Variants in AHNAK observed in about 807,000 individuals in gnomAD.
AHNAK encodes the protein neuroblast differentiation-associated protein AHNAK.
AHNAK carries 23 observed loss-of-function variants against 37.8 expected under a neutral mutation model. The observed-to-expected ratio is 0.61, with a 90% CI of 0.44 to 0.86. The LOEUF (loss-of-function observed/expected upper bound fraction) is 0.86. Among genes scored for constraint, AHNAK ranks in the 40% least tolerant of loss-of-function variants. The pLI is 0.00. For synonymous variants in AHNAK, 2,481 were observed against 2,636.3 expected (o/e 0.94, Z 1.80); for missense variants, 7,411 against 7,319.4 (o/e 1.01, Z -0.46).
At chr11:62,543,233 A>G (rs1462885800) in intron 1 of AHNAK, among the ~76,000 whole-genome samples, 1 of 152,224 alleles carries the variant, frequency 6.6e-6, no homozygotes, top group African/African-American at 2.4e-5. Context: ...GGACATGTCC[A>G]GGACCGAGAA....
chr11:62,440,081 C>G (rs1938270611), intron 5 of AHNAK, among the ~76,000 whole-genome samples: 1 of 152,184 alleles, frequency 6.6e-6, no homozygotes, highest in Non-Finnish European at 1.5e-5. Flanking sequence ...ACGGGGCCAT[C>G]CTGCGTGTGG....
In AHNAK at chr11:62,523,560, G is replaced by C. The variant is rs754454338; in HGVS notation, c.10857C>G (p.Gly3619=). The part of the protein sequence containing the change: ...KFSMPGFKGE[G]PEVDVTLPKA... The stretch of plus-strand genomic sequence containing the variant: ...TAGGGAGGGTAACATCGACTTCAGG[G>C]CCTTCTCCTTTGAAGCCAGGCATGC... The change falls in exon 5 of 5, where the codon GGC becomes GGG. Residue 3619 remains glycine, a synonymous_variant. Coordinates refer to ENST00000378024, the MANE Select transcript of AHNAK (RefSeq NM_001620.3). 3 of 1,613,964 alleles carry C rather than the reference G, an allele frequency of 1.9e-6. No homozygotes were observed. The highest frequency in any genetic ancestry group is 1.1e-5 in the South Asian group (1 of 91,062).
intron 4 of AHNAK, among the ~76,000 whole-genome samples, chr11:62,504,835 C>A (rs1330714902): frequency 6.6e-6 from 1 of 152,092 alleles, no homozygotes; most frequent in African/African-American, 2.4e-5. Context: ...GAAAGCAAGG[C>A]GGTACCACGC....
rs767361189 is a variant in AHNAK, at chr11:62,526,924, G to A, written c.7493C>T (p.Ala2498Val). Reference sequence around the variant, plus strand: ...CCAGTCTGGAGCTTGGACATCGGGGGCATTTACATCAACTTTGGGGCCCCT... The same window carrying A: ...CCAGTCTGGAGCTTGGACATCGGGGACATTTACATCAACTTTGGGGCCCCT... ...NIRGPKVDVN[A>V]PDVQAPDWHL... The change falls in exon 5 of 5, where the codon GCC becomes GTC. Residue 2498 changes from alanine to valine, a missense_variant. Transcript: ENST00000378024. 4.9e-5 allele frequency: 79 copies of A among 1,614,006 alleles called. No individual in the cohort carries two copies. The highest frequency in any genetic ancestry group is 6.7e-5 in the Non-Finnish European group (79 of 1,180,032).
intron 5 of AHNAK, among the ~76,000 whole-genome samples, chr11:62,470,783 A>G (rs982803723): frequency 6.6e-6 from 1 of 151,790 alleles, no homozygotes; most frequent in African/African-American, 2.4e-5. Flanking sequence ...ACCAACCTCC[A>G]TCTGTCACCT....
intron 4 of AHNAK, among the ~76,000 whole-genome samples, chr11:62,493,689 T>G (rs75822310): frequency 6.6e-6 from 1 of 151,698 alleles, no homozygotes; most frequent in Non-Finnish European, 1.5e-5. Flanking sequence ...CAGGCTGGTC[T>G]TGAACTCCTG....
intron 5 of AHNAK, among the ~76,000 whole-genome samples, chr11:62,436,605 T>A (rs1039789421): frequency 2.7e-5 from 4 of 150,836 alleles, no homozygotes. Context: ...TTACTTCTCT[T>A]GGACATGAAA....
At chr11:62,543,896 T>A (rs919961978) in intron 1 of AHNAK, among the ~76,000 whole-genome samples, 1 of 152,168 alleles carries the variant, frequency 6.6e-6, no homozygotes, top group African/African-American at 2.4e-5. Context: ...GAGAGAAACT[T>A]TGGGGCCTCG....
At chr11:62,454,412 CAAAA>C (rs5792260) in intron 5 of AHNAK, among the ~76,000 whole-genome samples, 14 of 126,144 alleles carry the variant, frequency 1.1e-4, no homozygotes, top group South Asian at 2.7e-4. Flanking sequence ...GACTCCATCT[CAAAA>C]AAAAAAAAAA....
In AHNAK at chr11:62,532,085, C is replaced by T. The variant is rs1196817956; in HGVS notation, c.2332G>A (p.Val778Met). 5 of 1,613,248 alleles carry T rather than the reference C, an allele frequency of 3.1e-6. No homozygotes were observed. Among genetic ancestry groups the T allele is most frequent in the Non-Finnish European group, 4.2e-6 (5 of 1,179,886 alleles). Reference protein sequence around the residue: ...EVDVNLPKADVDISGPKIDVT... With the variant: ...EVDVNLPKADMDISGPKIDVT... ...TCTATCTTGGGCCCGGAAATGTCCACATCAGCCTTGGGCAGGTTCACATCC... is the reference window on the plus strand; with the variant it reads ...TCTATCTTGGGCCCGGAAATGTCCATATCAGCCTTGGGCAGGTTCACATCC... Residue 778 changes from valine (V) to methionine (M), a missense_variant, in exon 5 of 5, where the codon GTG becomes ATG. Coordinates refer to ENST00000378024, the MANE Select transcript of AHNAK (RefSeq NM_001620.3).
In AHNAK at chr11:62,532,901, C is replaced by T. The variant is rs1565246125; in HGVS notation, c.1516G>A (p.Asp506Asn). 3.1e-6 allele frequency: 5 copies of T among 1,614,132 alleles called. No homozygotes were observed. The highest frequency in any genetic ancestry group is 4.2e-6 in the Non-Finnish European group (5 of 1,180,026). Residue 506 changes from aspartate to asparagine, a missense_variant, in exon 5 of 5, where the codon GAT (aspartate) becomes AAT (asparagine). Physicochemically the swap from Asp to Asn is conservative, Grantham distance 23. Transcript: ENST00000378024. ...AGTTTAGGAGACCCAAGGCTCAGAT[C>T]CACATCCTGCATGGAGATTTTAGGT... Reference protein sequence around the residue: ...QKPKISMQDVDLSLGSPKLKG... With the variant: ...QKPKISMQDVNLSLGSPKLKG...
chr11:62,436,614 A>G (rs1938176858), intron 5 of AHNAK, among the ~76,000 whole-genome samples: 1 of 150,650 alleles, frequency 6.6e-6, no homozygotes, highest in African/African-American at 2.5e-5. Context: ...TTGGACATGA[A>G]AATCTGCATT....
chr11:62,464,764 G>A (rs984804208), intron 5 of AHNAK, among the ~76,000 whole-genome samples: 3 of 152,136 alleles, frequency 2.0e-5, no homozygotes, highest in African/African-American at 7.2e-5. Flanking sequence ...CCAGGAGGTC[G>A]AGGCTACAGT....
chr11:62,447,182 T>C (rs1198246284), intron 5 of AHNAK, among the ~76,000 whole-genome samples: 2 of 152,174 alleles, frequency 1.3e-5, no homozygotes, highest in East Asian at 3.9e-4. Context: ...CCTTATGAAA[T>C]GTGCTAATGG....
intron 5 of AHNAK, among the ~76,000 whole-genome samples, chr11:62,488,764 C>T (rs544608769): frequency 6.6e-6 from 1 of 152,044 alleles, no homozygotes; most frequent in Admixed American, 6.6e-5. Flanking sequence ...CTCCTGGGCC[C>T]TACTGAGTGT....
intron 5 of AHNAK, among the ~76,000 whole-genome samples, chr11:62,445,876 C>T (rs577918900): frequency 3.3e-5 from 5 of 152,062 alleles, no homozygotes; most frequent in South Asian, 2.1e-4. Context: ...GTTAGCTGGG[C>T]GTGGTAGCGG....
Position 62,524,058 on chromosome 11 carries a change from T to C in AHNAK, c.10359A>G (p.Ala3453=). 6.2e-7 allele frequency: 1 copy of C among 1,614,020 alleles called. No individual in the cohort carries two copies. The highest frequency in any genetic ancestry group is 2.2e-5 in the East Asian group (1 of 44,882). ...DFKGPKVDIK[A]PEVNLNAPDV... is the part of the protein sequence containing the mutation. The stretch of plus-strand genomic sequence containing the variant: ...CAGGTGCATTAAGATTGACTTCTGG[T>C]GCCTTAATATCCACTTTGGGGCCTT... The change falls in exon 5 of 5, where the codon GCA becomes GCG. Residue 3453 remains alanine (A), a synonymous_variant. Transcript: ENST00000378024.
At position 62,521,046 on chromosome 11, in the gene AHNAK, G is replaced by A. The variant is rs2134201364; in HGVS notation, c.13371C>T (p.Pro4457=). Residue 4457 remains proline (P), a synonymous_variant, in exon 5 of 5, where the codon CCC becomes CCT. Transcript: ENST00000378024. ...FKMPEMNIKA[P]KISMPDFDLH... is the part of the protein sequence containing the mutation. ...AATCAAAGTCAGGCATAGAGATTTTGGGAGCTTTGATGTTCATCTCAGGCA... is the reference window on the plus strand; with the variant it reads ...AATCAAAGTCAGGCATAGAGATTTTAGGAGCTTTGATGTTCATCTCAGGCA... 4 of 1,613,988 alleles carry A rather than the reference G, an allele frequency of 2.5e-6. No individual in the cohort carries two copies. The highest frequency in any genetic ancestry group is 3.4e-6 in the Non-Finnish European group (4 of 1,180,004).
Position 62,518,207 on chromosome 11 carries a change from G to A in AHNAK, c.16210C>T (p.Pro5404Ser). The change falls in exon 5 of 5, where the codon CCC becomes TCC. Residue 5404 changes from proline (P) to serine (S), a missense_variant. Physicochemically the swap from Pro to Ser is moderately conservative, Grantham distance 74 (BLOSUM62 -1). Coordinates refer to ENST00000378024, the MANE Select transcript of AHNAK (RefSeq NM_001620.3). The stretch of plus-strand genomic sequence containing the variant: ...CCAAATTGGGGCAGCTTCATTTTGG[G>A]AAGTTTAATGCTGCCTTCGGATGCC... ...LEASEGSIKL[P>S]KMKLPQFGIS... The A allele has an allele frequency of 6.2e-7, 1 of 1,614,164 alleles. No individual in the cohort carries two copies. Among genetic ancestry groups the A allele is most frequent in the Non-Finnish European group, 8.5e-7 (1 of 1,180,034 alleles).
Sources: allele counts gnomAD v4.1 joint callset (sites outside exome capture counted in the v4.1 genomes callset), GRCh38; gene constraint gnomAD v4.1.1; transcripts MANE v1.5; gene names NCBI Gene and HGNC (gene_info 2026-07-23, HGNC 2026-07-21).